The following ITIH1 variants were observed in gnomAD, a reference collection of about 807,000 sequenced individuals.
ITIH1 encodes the protein inter-alpha-trypsin inhibitor heavy chain H1.
ITIH1 carries 94 observed loss-of-function variants against 104.6 expected under a neutral mutation model. The ratio of observed to expected loss-of-function variants is 0.90; its 90% confidence interval spans 0.76 to 1.07. The LOEUF (loss-of-function observed/expected upper bound fraction) is 1.07, where lower values mean the gene tolerates loss of function less well. Among genes scored for constraint, ITIH1 ranks in the 50% least tolerant of loss-of-function variants. ITIH1 has a pLI of 0.00. For missense variants in ITIH1, 1,193 were observed against 1,181.4 expected, an observed-to-expected ratio of 1.01 and a Z score of -0.14; for synonymous variants, 455 against 464.4, an observed-to-expected ratio of 0.98 and a Z score of 0.26.
In ITIH1 at chr3:52,779,275, C is replaced by G. The variant is rs544601086; in HGVS notation, c.411-157C>G. ...GGCCCCCGCCATCTTGGGCCCTGAC[C>G]CTGACCAGCCAGCTAACACATTTGT... On this transcript the variant is annotated intron_variant, in intron 4 of 21. Transcript: ENST00000273283. This position sits in a 1 kb window ranked among gnomAD's most constrained non-coding sequence, Gnocchi z 4.4. Among the ~76,000 whole-genome samples the G allele has an allele frequency of 6.6e-6, 1 of 152,222 alleles. No individual in the cohort carries two copies. Among genetic ancestry groups the G allele is most frequent in the African/African-American group, 2.4e-5 (1 of 41,458 alleles).
chr3:52,785,058 G>C lies in ITIH1; in HGVS notation c.1422G>C (p.Gln474His). ...TATCCCTGCAGGGTTTCTACAGCCA[G>C]GTAGCCAAACCCCTGCTGGTGGATG... ...ATQQLQGFYS[Q>H]VAKPLLVDVD... The change falls in exon 12 of 22, where the codon CAG becomes CAC. Residue 474 changes from glutamine (Q) to histidine (H), a missense_variant. Physicochemically the swap from Gln to His is conservative, Grantham distance 24. Coordinates refer to ENST00000273283, the MANE Select transcript of ITIH1 (RefSeq NM_002215.4). 1 of 1,614,106 alleles carries C rather than the reference G, an allele frequency of 6.2e-7. No individual in the cohort carries two copies. Among genetic ancestry groups the C allele is most frequent in the Non-Finnish European group, 8.5e-7 (1 of 1,180,008 alleles).
At position 52,787,194 on chromosome 3, in the gene ITIH1, C is replaced by T. The variant is rs140154114; in HGVS notation, c.1895C>T (p.Pro632Leu). ...PTIDKPSEDSPPLEMLGPRRT... is the reference protein window; with the variant it reads ...PTIDKPSEDSLPLEMLGPRRT... ...CTCTTTCTCTCCCTTCCAGATTCTC[C>T]GCCTTTGGGTGAGTTTTAAATTGCA... Residue 632 changes from proline to leucine, a missense_variant, in exon 15 of 22, where the codon CCG (proline) becomes CTG (leucine). Physicochemically the swap from Pro to Leu is moderately conservative, Grantham distance 98. Transcript: ENST00000273283. 2.0e-3 allele frequency: 3,276 copies of T among 1,614,054 alleles called. 5 individuals are homozygous for T. The highest frequency in any genetic ancestry group is 2.6e-3 in the Non-Finnish European group (3,065 of 1,180,028).
rs372593940 is a variant in ITIH1 at position 52,783,130 on chromosome 3, G to A, written c.1099+5G>A. The A allele has an allele frequency of 2.5e-6, 4 of 1,612,886 alleles. No homozygotes were observed. The African/African-American group carries it at 5.3e-5, about 22-fold the overall frequency. On this transcript the variant is annotated splice_donor_5th_base_variant and intron_variant, in intron 9 of 21. Transcript: ENST00000273283. ...GGGGCTTTTCCCTGGATGAGGGTAA[G>A]GGTGGGGGTCTCAGGCAACCTTGAT...
chr3:52,791,493 G>A (rs750034320), intron 20 of ITIH1, 24 bp from the exon 21 acceptor site: 13 of 1,583,770 alleles, frequency 8.2e-6, no homozygotes, highest in East Asian at 4.5e-5. Flanking sequence ...GATGGTAACC[G>A]CTGTCTCCAA....
chr3:52,782,403 C>A, intron 8 of ITIH1, 136 bp downstream of exon 8: 1 of 698,628 alleles, frequency 1.4e-6, no homozygotes, highest in Non-Finnish European at 2.5e-6. Context: ...AACAGGAAAT[C>A]CCAGTGGTTA....
chr3:52,781,979 T>C lies in ITIH1; in HGVS notation c.727T>C (p.Ser243Pro). 1 of 1,614,140 alleles carries C rather than the reference T, an allele frequency of 6.2e-7. No individual in the cohort carries two copies. The highest frequency in any genetic ancestry group is 8.5e-7 in the Non-Finnish European group (1 of 1,180,028). ...LFRPTVSQQQSCPTCSTSLLN... is the reference protein window; with the variant it reads ...LFRPTVSQQQPCPTCSTSLLN... ...CCGTCCCACCGTGAGCCAGCAGCAG[T>C]CCTGCCCCACATGCTCTACATCCTT... Residue 243 changes from serine to proline, a missense_variant, in exon 7 of 22, where the codon TCC becomes CCC. Coordinates refer to ENST00000273283, the MANE Select transcript of ITIH1 (RefSeq NM_002215.4).
chr3:52,781,195 TTC>T (rs1420507650), intron 6 of ITIH1, among the ~76,000 whole-genome samples: 7 of 89,654 alleles, frequency 7.8e-5, no homozygotes, highest in Non-Finnish European at 1.5e-4. Flanking sequence ...CCTCCTCCTC[TTC>T]TTTTTTTTTT....
In ITIH1 at chr3:52,777,998, A is replaced by G; in HGVS notation, c.119A>G (p.Lys40Arg). The G allele has an allele frequency of 6.2e-7, 1 of 1,614,198 alleles. No individual in the cohort carries two copies. Among genetic ancestry groups the G allele is most frequent in the Non-Finnish European group, 8.5e-7 (1 of 1,180,018 alleles). The change falls in exon 2 of 22, where the codon AAG becomes AGG. Residue 40 changes from lysine to arginine, a missense_variant and splice_region_variant. Coordinates refer to ENST00000273283, the MANE Select transcript of ITIH1 (RefSeq NM_002215.4). ...SATGRSKSSEKRQAVDTAVDG... is the reference protein window; with the variant it reads ...SATGRSKSSERRQAVDTAVDG... ...CTTGACCCTGATTTTGTTTTGCAGA[A>G]GCGACAGGCTGTGGACACCGTGAGT...
At chr3:52,782,577 G>A (rs1035158724) in intron 8 of ITIH1, among the ~76,000 whole-genome samples, 1 of 152,218 alleles carries the variant, frequency 6.6e-6, no homozygotes, top group African/African-American at 2.4e-5. Flanking sequence ...TACAATTACG[G>A]TGGTCCGTGG....
intron 15 of ITIH1, 148 bp from the exon 16 acceptor site, chr3:52,787,444 T>C: frequency 5.9e-6 from 6 of 1,020,232 alleles, no homozygotes; most frequent in Non-Finnish European, 9.2e-6. Flanking sequence ...TGTGAGTGTA[T>C]GTCTGTGAGG....
rs757287644 is a variant in ITIH1, at chr3:52,787,070, T to G, written c.1859T>G (p.Leu620Arg). ...AGGGGCATGGCGGACCAGGACGGCCTGAAGCCCACCATCGACAAGCCCTCA... is the reference window on the plus strand; with the variant it reads ...AGGGGCATGGCGGACCAGGACGGCCGGAAGCCCACCATCGACAAGCCCTCA... ...SIRGMADQDG[L>R]KPTIDKPSED... is the part of the protein sequence containing the mutation. The change falls in exon 14 of 22, where the codon CTG (leucine) becomes CGG (arginine). Residue 620 changes from leucine to arginine, a missense_variant. Physicochemically the swap from Leu to Arg is moderately radical, Grantham distance 102. Coordinates refer to ENST00000273283, the MANE Select transcript of ITIH1 (RefSeq NM_002215.4). 1.2e-6 allele frequency: 2 copies of G among 1,614,190 alleles called. No homozygotes were observed. The highest frequency in any genetic ancestry group is 3.3e-5 in the Admixed American group (2 of 60,032).
intron 6 of ITIH1, among the ~76,000 whole-genome samples, chr3:52,781,091 G>A (rs1699020727): frequency 6.6e-6 from 1 of 152,152 alleles, no homozygotes; most frequent in Admixed American, 6.5e-5. Flanking sequence ...GCTTTCTGTG[G>A]GGGAACAAAG....
rs777651599 is a variant in ITIH1, at chr3:52,777,682, C to G, written c.67C>G (p.Gln23Glu). ...CMYLVSLLIL[Q>E]AMPALGSATG... is the part of the protein sequence containing the mutation. ...GTACCTGGTATCTCTCCTCATCCTG[C>G]AGGCCATGCCTGCCCTGGGCTCGGC... The change falls in exon 1 of 22, where the codon CAG becomes GAG. Residue 23 changes from glutamine (Q) to glutamate (E), a missense_variant. Physicochemically the swap from Gln to Glu is conservative, Grantham distance 29 (BLOSUM62 2). Transcript: ENST00000273283. 6.2e-7 allele frequency: 1 copy of G among 1,605,716 alleles called. No individual in the cohort carries two copies. Among genetic ancestry groups the G allele is most frequent in the Non-Finnish European group, 8.5e-7 (1 of 1,176,336 alleles).
rs755021416 is a variant in ITIH1, at chr3:52,781,963, C to G, written c.711C>G (p.Thr237=). The stretch of plus-strand genomic sequence containing the variant: ...AGGGTCATGTGCTGTTCCGTCCCAC[C>G]GTGAGCCAGCAGCAGTCCTGCCCCA... ...GKKGHVLFRP[T]VSQQQSCPTC... is the part of the protein sequence containing the mutation. Residue 237 remains threonine, a synonymous_variant, in exon 7 of 22, where the codon ACC becomes ACG. Coordinates refer to ENST00000273283, the MANE Select transcript of ITIH1 (RefSeq NM_002215.4). 23 of 1,614,068 alleles carry G rather than the reference C, an allele frequency of 1.4e-5. No homozygotes were observed. In the Admixed American group the frequency reaches 3.7e-4, roughly 26 times the overall value.
chr3:52,779,098 G>A lies in ITIH1; in HGVS notation c.410+52G>A. ...CTCTAGGGCTGCCCTCCCCAGCCAG[G>A]ACAGGTCTGATGGCTGCAAGGTGGC... On this transcript the variant is annotated intron_variant, in intron 4 of 21. Transcript: ENST00000273283. This position sits in a 1 kb window ranked among gnomAD's most constrained non-coding sequence, Gnocchi z 4.4. The A allele has an allele frequency of 7.8e-7, 1 of 1,283,476 alleles. No individual in the cohort carries two copies. The highest frequency in any genetic ancestry group is 1.1e-6 in the Non-Finnish European group (1 of 878,878). 79.5% of individuals were successfully genotyped at this position (1,283,476 alleles called of 1,614,324 possible). A position where few individuals can be genotyped will look rare whatever the true frequency, so the allele number is the denominator to read the frequency against.
chr3:52,778,838 C>A, intron 3 of ITIH1, 104 bp from the exon 4 acceptor site: 2 of 1,058,570 alleles, frequency 1.9e-6, no homozygotes, highest in Non-Finnish European at 2.9e-6. Context: ...GTGGAAGGCT[C>A]GTCAGGAGAC....
At chr3:52,778,804 G>A (rs1285398299) in intron 3 of ITIH1, 138 bp from the exon 4 acceptor site, 5 of 1,047,922 alleles carry the variant, frequency 4.8e-6, no homozygotes, top group African/African-American at 1.6e-5. Flanking sequence ...ATTGCCCATG[G>A]ACCCCTGAGT....
At chr3:52,782,367 C>T in intron 8 of ITIH1, 100 bp downstream of exon 8, 1 of 904,672 alleles carries the variant, frequency 1.1e-6, no homozygotes. Context: ...TGGGATTTAT[C>T]CTCCTGGTCA....
chr3:52,783,138 G>A lies in ITIH1; in HGVS notation c.1099+13G>A, dbSNP rs1699106938. On this transcript the variant is annotated intron_variant, in intron 9 of 21. Transcript: ENST00000273283. ...TCCCTGGATGAGGGTAAGGGTGGGG[G>A]TCTCAGGCAACCTTGATGTCACCTC... The A allele has an allele frequency of 1.0e-5, 14 of 1,368,470 alleles. No homozygotes were observed. Among genetic ancestry groups the A allele is most frequent in the Non-Finnish European group, 1.3e-5 (13 of 974,982 alleles). The allele number at this position is 1,368,470 out of a possible 1,614,324, so 84.8% of individuals were successfully genotyped here. A position where few individuals can be genotyped will look rare whatever the true frequency, so the allele number is the denominator to read the frequency against.
Sources: allele counts gnomAD v4.1 joint callset (sites outside exome capture counted in the v4.1 genomes callset), GRCh38; gene constraint gnomAD v4.1.1; non-coding constraint Gnocchi (gnomAD v3.1); transcripts MANE v1.5; gene names NCBI Gene and HGNC (gene_info 2026-07-23, HGNC 2026-07-21).